Variants in DLG2 observed in about 807,000 individuals in gnomAD.
DLG2 encodes the protein disks large homolog 2.
DLG2 carries 45 observed loss-of-function variants against 132.5 expected under a neutral mutation model. The observed-to-expected ratio is 0.34, with a 90% CI of 0.27 to 0.44. The LOEUF is 0.44. Ranked by LOEUF, DLG2 falls within the 20% of genes least tolerant of loss-of-function variation. The pLI is 1.00. For synonymous variants in DLG2, 424 were observed against 419.6 expected, an observed-to-expected ratio of 1.01 and a Z score of -0.13; for missense variants, 1,045 against 1,196.9, an observed-to-expected ratio of 0.87 and a Z score of 1.87.
chr11:84,430,957 G>A (rs1422238773), intron 7 of DLG2, among the ~76,000 whole-genome samples: 1 of 152,128 alleles, frequency 6.6e-6, no homozygotes, highest in Non-Finnish European at 1.5e-5. Flanking sequence ...GGATCTAAGA[G>A]GACAATCTGT....
intron 9 of DLG2, among the ~76,000 whole-genome samples, chr11:84,137,748 C>T (rs1405718279): frequency 1.3e-5 from 2 of 152,020 alleles, no homozygotes; most frequent in African/African-American, 4.8e-5. Flanking sequence ...TATTCAATTT[C>T]CTTTCTCAGG....
intron 3 of DLG2, among the ~76,000 whole-genome samples, chr11:85,471,340 C>A (rs1223671097): frequency 6.6e-6 from 1 of 151,946 alleles, no homozygotes; most frequent in Non-Finnish European, 1.5e-5. Flanking sequence ...ACTCACAAAA[C>A]ACACAAGAAA....
chr11:85,195,681 G>A (rs1306401811), intron 4 of DLG2, among the ~76,000 whole-genome samples: 1 of 151,644 alleles, frequency 6.6e-6, no homozygotes, highest in African/African-American at 2.4e-5. Flanking sequence ...CCACCATCAC[G>A]CCCAGCTAAT....
intron 3 of DLG2, among the ~76,000 whole-genome samples, chr11:85,518,915 C>T (rs1187405628): frequency 1.3e-5 from 2 of 152,250 alleles, no homozygotes; most frequent in South Asian, 2.1e-4. Flanking sequence ...AGGGTAGAAG[C>T]CCCAAGCCTT....
intron 6 of DLG2, among the ~76,000 whole-genome samples, chr11:84,652,932 GTTT>G (rs539310938): frequency 4.4e-5 from 6 of 136,144 alleles, no homozygotes; most frequent in Admixed American, 7.4e-5. Context: ...AATATTGGAG[GTTT>G]TTTTTTTTTT....
At chr11:85,287,758 T>C (rs1227584334) in intron 3 of DLG2, among the ~76,000 whole-genome samples, 2 of 151,992 alleles carry the variant, frequency 1.3e-5, no homozygotes, top group Admixed American at 6.6e-5. Flanking sequence ...AAAAGTGAAA[T>C]AGATAAATTG....
chr11:84,154,505 GATACTTTTA>G (rs1243774218), intron 9 of DLG2, among the ~76,000 whole-genome samples: 13 of 152,072 alleles, frequency 8.5e-5, no homozygotes, highest in African/African-American at 3.1e-4. Flanking sequence ...CATACAGATA[GATACTTTTA>G]ATACTTTAAG....
rs184661704 is a variant in DLG2 at position 85,196,839 on chromosome 11, G to A, written c.187-42188C>T. Among the ~76,000 whole-genome samples, 3 of 152,246 alleles carry A rather than the reference G, an allele frequency of 2.0e-5. No individual in the cohort carries two copies. In the East Asian group the frequency reaches 5.8e-4, roughly 29 times the overall value. On this transcript the variant is annotated intron_variant, in intron 4 of 27. Transcript: ENST00000376104. ...TAATTTCCCCCAGCCAAATATAAAG[G>A]AAAGTGTTAAGTCTTCACGCACATG...
At position 83,729,984 on chromosome 11, in the gene DLG2, TAAAAC is replaced by T. The variant is rs371413601; in HGVS notation, c.1825+56701_1825+56705del. ...GTAAACCGCTTTATAGAACCAAAAA[TAAAAC>T]AAAACAAACTTTTTTTAATTGTAGA... is the stretch of plus-strand genomic sequence containing the variant. On this transcript the variant is annotated intron_variant, in intron 18 of 27. Coordinates refer to ENST00000376104, the MANE Select transcript of DLG2 (RefSeq NM_001142699.3). Among the ~76,000 whole-genome samples, 83 of 152,002 alleles carry T rather than the reference TAAAAC, an allele frequency of 5.5e-4. No homozygotes were observed. In the East Asian group the frequency reaches 0.014, roughly 25 times the overall value.
At chr11:84,701,455 C>A (rs891611699) in intron 6 of DLG2, among the ~76,000 whole-genome samples, 4 of 151,536 alleles carry the variant, frequency 2.6e-5, no homozygotes, top group Non-Finnish European at 5.9e-5. Context: ...TGTAGCATAG[C>A]CCCTAGCTCA....
At chr11:84,905,051 T>C (rs2091352733) in intron 6 of DLG2, among the ~76,000 whole-genome samples, 2 of 152,112 alleles carry the variant, frequency 1.3e-5, no homozygotes, top group Admixed American at 1.3e-4. Context: ...AATTGTTGTA[T>C]TTTATTTTAT....
chr11:85,466,846 GAA>G (rs1316526555), intron 3 of DLG2, among the ~76,000 whole-genome samples: 4 of 152,176 alleles, frequency 2.6e-5, no homozygotes, highest in Non-Finnish European at 5.9e-5. Context: ...ATTCTGTGAA[GAA>G]AGTCATTGGT....
intron 19 of DLG2, among the ~76,000 whole-genome samples, chr11:83,571,789 A>T (rs1207453549): frequency 6.6e-6 from 1 of 152,180 alleles, no homozygotes; most frequent in Non-Finnish European, 1.5e-5. Flanking sequence ...TTGGTATGGG[A>T]TCAAAGGTGA....
At chr11:85,515,286 C>T (rs1598166952) in intron 3 of DLG2, among the ~76,000 whole-genome samples, 2 of 151,946 alleles carry the variant, frequency 1.3e-5, no homozygotes, top group Middle Eastern at 6.8e-3. Flanking sequence ...AATATGAGTT[C>T]TCTAACGGGG....
intron 6 of DLG2, among the ~76,000 whole-genome samples, chr11:84,840,381 C>T (rs941825743): frequency 8.5e-5 from 13 of 152,160 alleles, no homozygotes; most frequent in African/African-American, 3.1e-4. Flanking sequence ...AATGCTTTTA[C>T]ACTGTTGATG....
chr11:83,628,193 T>C (rs1327807751), intron 19 of DLG2, among the ~76,000 whole-genome samples: 2 of 152,212 alleles, frequency 1.3e-5, no homozygotes, highest in African/African-American at 4.8e-5. Context: ...TAGTTTCTTT[T>C]GCTGTGCAGA....
chr11:85,460,408 A>G (rs974227716), intron 3 of DLG2, among the ~76,000 whole-genome samples: 1 of 152,170 alleles, frequency 6.6e-6, no homozygotes, highest in African/African-American at 2.4e-5. Context: ...GCAAAGGTCC[A>G]TGGCAGAACT....
At chr11:84,216,584 T>G (rs1182448544) in intron 8 of DLG2, among the ~76,000 whole-genome samples, 1 of 152,088 alleles carries the variant, frequency 6.6e-6, no homozygotes, top group East Asian at 1.9e-4. Context: ...TTATAAAGAA[T>G]AAGCTTGTCC....
At chr11:83,709,078 C>T (rs2084742436) in intron 18 of DLG2, among the ~76,000 whole-genome samples, 1 of 151,880 alleles carries the variant, frequency 6.6e-6, no homozygotes, top group Non-Finnish European at 1.5e-5. Flanking sequence ...CTCTTCCCCT[C>T]TTAAAGGTAA....
Sources: allele counts gnomAD v4.1 joint callset (sites outside exome capture counted in the v4.1 genomes callset), GRCh38; gene constraint gnomAD v4.1.1; transcripts MANE v1.5; gene names NCBI Gene and HGNC (gene_info 2026-07-23, HGNC 2026-07-21).